Variants in KANK4 observed in about 807,000 individuals in gnomAD.
The protein encoded by KANK4 is KN motif and ankyrin repeat domains 4, also known as KN motif and ankyrin repeat domain-containing protein 4.
KANK4 carries 50 observed loss-of-function variants against 80.8 expected under a neutral mutation model. The ratio of observed to expected loss-of-function variants is 0.62; its 90% CI spans 0.49 to 0.78. The LOEUF (loss-of-function observed/expected upper bound fraction) is 0.78, where lower values mean the gene tolerates loss of function less well. KANK4 is among the 30% of genes least tolerant of loss of function. The probability of loss-of-function intolerance (pLI) is 0.00; values close to 1 mark genes in which losing one functional copy is unlikely to be tolerated. For missense variants in KANK4, 1,196 were observed against 1,240.1 expected (o/e 0.96, Z 0.53); for synonymous variants, 465 against 506.9 (o/e 0.92, Z 1.11).
chr1:62,278,917 T>C (rs990989250), intron 2 of KANK4, among the ~76,000 whole-genome samples: 3 of 152,046 alleles, frequency 2.0e-5, no homozygotes, highest in Non-Finnish European at 2.9e-5. Context: ...TAAAGTTAAG[T>C]AGAGAGCAGA....
Position 62,244,469 on chromosome 1 carries a change from T to C in KANK4, c.2883+3003A>G, listed in dbSNP as rs75462470. On this transcript the variant is annotated intron_variant, in intron 9 of 9. Coordinates refer to ENST00000371153, the MANE Select transcript of KANK4 (RefSeq NM_181712.5). ...TGGGGGAGGGACCTGTGGGAAGTAA[T>C]TGAATCATGGGGGCAGGTCTTTCCT... Among the ~76,000 whole-genome samples, 338 of 152,256 alleles carry C rather than the reference T, an allele frequency of 2.2e-3. 1 individual carries two copies. Among genetic ancestry groups the C allele is most frequent in the African/African-American group, 7.3e-3 (305 of 41,554 alleles).
chr1:62,288,268 T>C (rs1672611121), intron 1 of KANK4, among the ~76,000 whole-genome samples: 1 of 152,200 alleles, frequency 6.6e-6, no homozygotes, highest in Non-Finnish European at 1.5e-5. Flanking sequence ...TCAACTTCTA[T>C]GGCCCAGGTC....
chr1:62,252,994 C>T, intron 8 of KANK4, 73 bp downstream of exon 8: 1 of 1,535,416 alleles, frequency 6.5e-7, no homozygotes, highest in South Asian at 1.2e-5. Flanking sequence ...TGGAATTTCT[C>T]ACCCCACTAG....
chr1:62,245,905 G>A (rs1199838849), intron 9 of KANK4, among the ~76,000 whole-genome samples: 1 of 152,174 alleles, frequency 6.6e-6, no homozygotes, highest in Non-Finnish European at 1.5e-5. Context: ...ACTCTACTAG[G>A]TGTGGGAGCC....
intron 2 of KANK4, among the ~76,000 whole-genome samples, chr1:62,279,160 A>G (rs1276735632): frequency 6.6e-6 from 1 of 151,540 alleles, no homozygotes; most frequent in Non-Finnish European, 1.5e-5. Flanking sequence ...GACAGGTTTA[A>G]TAGCAGGTTT....
intron 1 of KANK4, among the ~76,000 whole-genome samples, chr1:62,305,719 C>G (rs147526709): frequency 6.6e-6 from 1 of 152,026 alleles, no homozygotes; most frequent in Non-Finnish European, 1.5e-5. Context: ...TCCTGCAACA[C>G]GGTGAAGGAA....
At position 62,278,397 on chromosome 1, in the gene KANK4, CTTT is replaced by C. The variant is rs199777200; in HGVS notation, c.16+3149_16+3151del. 4.1e-4 allele frequency among the ~76,000 whole-genome samples: 12 copies of C among 29,226 alleles called. 1 individual carries two copies. The highest frequency in any genetic ancestry group is 2.4e-3 in the South Asian group (2 of 822). 19.2% of individuals were successfully genotyped at this position (29,226 alleles called of 152,430 possible). The stretch of plus-strand genomic sequence containing the variant: ...CCTTCCTTTCTTTCTTTCTTTCTTT[CTTT>C]TTTTTTTTTGAGATGGAATTTCGTT... On this transcript the variant is annotated intron_variant, in intron 2 of 9. Transcript: ENST00000371153.
At chr1:62,238,632 CTT>C (rs199999610) in intron 9 of KANK4, among the ~76,000 whole-genome samples, 5 of 142,182 alleles carry the variant, frequency 3.5e-5, no homozygotes, top group African/African-American at 7.7e-5. Context: ...TTTTAATGCT[CTT>C]TTTTTTTTTT....
At chr1:62,297,886 T>C (rs1644380231) in intron 1 of KANK4, among the ~76,000 whole-genome samples, 1 of 152,226 alleles carries the variant, frequency 6.6e-6, no homozygotes, top group African/African-American at 2.4e-5. Context: ...TCATATAAAA[T>C]GCTCTTTGCA....
At chr1:62,256,813 G>A (rs992284597) in intron 7 of KANK4, among the ~76,000 whole-genome samples, 5 of 152,168 alleles carry the variant, frequency 3.3e-5, no homozygotes. Flanking sequence ...ACTGCCATGA[G>A]CCGGCAGGTG....
chr1:62,281,254 G>C (rs1672445095), intron 2 of KANK4, among the ~76,000 whole-genome samples: 1 of 152,192 alleles, frequency 6.6e-6, no homozygotes, highest in East Asian at 1.9e-4. Context: ...AAATTGTTGG[G>C]CTGTTTGTTA....
intron 9 of KANK4, among the ~76,000 whole-genome samples, chr1:62,245,515 T>C (rs1671444697): frequency 6.6e-6 from 1 of 152,206 alleles, no homozygotes; most frequent in Non-Finnish European, 1.5e-5. Context: ...TCCAGGTTTT[T>C]GTTCCCTTTG....
chr1:62,269,970 TTAA>T (rs1400413588), intron 4 of KANK4, among the ~76,000 whole-genome samples: 3 of 152,206 alleles, frequency 2.0e-5, no homozygotes, highest in Admixed American at 6.5e-5. Flanking sequence ...CTGGGATGTT[TTAA>T]AAGCTCCCCT....
chr1:62,280,381 C>T (rs183776690), intron 2 of KANK4, among the ~76,000 whole-genome samples: 9 of 152,238 alleles, frequency 5.9e-5, no homozygotes, highest in African/African-American at 1.7e-4. Flanking sequence ...AACAGGCCCC[C>T]GGAGCTTTGA....
At chr1:62,293,364 G>A (rs919299904) in intron 1 of KANK4, among the ~76,000 whole-genome samples, 1 of 151,938 alleles carries the variant, frequency 6.6e-6, no homozygotes, top group Non-Finnish European at 1.5e-5. Context: ...CAAAGTGCTG[G>A]GATTACAGGT....
In KANK4 at chr1:62,273,692, C is replaced by G; in HGVS notation, c.1412G>C (p.Arg471Pro). The change falls in exon 3 of 10, where the codon CGT becomes CCT. Residue 471 changes from arginine to proline, a missense_variant. Arg to Pro is a moderately radical substitution (Grantham distance 103, BLOSUM62 -2). Transcript: ENST00000371153. ...HKQGNQSPAE[R>P]VLLPQLSLPQ... ...CAGTGACAGCTGGGGCAGAAGCACACGTTCTGCTGGGCTCTGATTCCCTTG... is the reference window on the plus strand; with the variant it reads ...CAGTGACAGCTGGGGCAGAAGCACAGGTTCTGCTGGGCTCTGATTCCCTTG... 6.2e-7 allele frequency: 1 copy of G among 1,614,134 alleles called. No individual in the cohort carries two copies. Among genetic ancestry groups the G allele is most frequent in the Admixed American group, 1.7e-5 (1 of 60,032 alleles).
At position 62,247,555 on chromosome 1, in the gene KANK4, T is replaced by A; in HGVS notation, c.2800A>T (p.Met934Leu). 6.2e-7 allele frequency: 1 copy of A among 1,614,052 alleles called. No individual in the cohort carries two copies. ...LQDHDGSSAL[M>L]VACHHGNVDL... ...ACGTTGCCATGGTGACAGGCCACCA[T>A]GAGGGCCGAGGATCCATCGTGGTCC... Residue 934 changes from methionine to leucine, a missense_variant, in exon 9 of 10, where the codon ATG becomes TTG. Transcript: ENST00000371153.
In KANK4 at chr1:62,287,132, A is replaced by G. The variant is rs533064612; in HGVS notation, c.-70-5498T>C. Among the ~76,000 whole-genome samples, 3 of 152,212 alleles carry G rather than the reference A, an allele frequency of 2.0e-5. No homozygotes were observed. In the South Asian group the frequency reaches 6.2e-4, roughly 32 times the overall value. ...GGCAAGCACAGTGGAGGGTCTTCCT[A>G]CAGCCCAAAGCTGCTGCAGTTCTTA... On this transcript the variant is annotated intron_variant, in intron 1 of 9. Coordinates refer to ENST00000371153, the MANE Select transcript of KANK4 (RefSeq NM_181712.5).
chr1:62,264,111 T>C (rs1324245510), intron 6 of KANK4, among the ~76,000 whole-genome samples: 2 of 152,186 alleles, frequency 1.3e-5, no homozygotes, highest in African/African-American at 2.4e-5. Flanking sequence ...ACTGAATCGA[T>C]GTGACACAGT....
Sources: allele counts gnomAD v4.1 joint callset (sites outside exome capture counted in the v4.1 genomes callset), GRCh38; gene constraint gnomAD v4.1.1; transcripts MANE v1.5; gene names NCBI Gene and HGNC (gene_info 2026-07-23, HGNC 2026-07-21).